Variants in PCDH15 observed in about 807,000 individuals in gnomAD.
PCDH15 encodes protocadherin related 15, also known as protocadherin-15.
In PCDH15, 129 loss-of-function variants were observed where a neutral mutation model predicts 178.5. The observed-to-expected ratio is 0.72, with a 90% CI of 0.63 to 0.84. The LOEUF (loss-of-function observed/expected upper bound fraction) is 0.84. Ranked by LOEUF, PCDH15 falls within the 40% of genes least tolerant of loss-of-function variation. The pLI, the probability that PCDH15 is intolerant of heterozygous loss-of-function variation, is 0.00. For missense variants in PCDH15, 2,230 were observed against 2,099.9 expected (o/e 1.06, Z -1.21); for synonymous variants, 800 against 732.0 (o/e 1.09, Z -1.50).
intron 1 of PCDH15, among the ~76,000 whole-genome samples, chr10:55,265,112 G>T (rs1842249145): frequency 6.6e-6 from 1 of 151,890 alleles, no homozygotes; most frequent in Admixed American, 6.6e-5. Flanking sequence ...CCCCCTCCTA[G>T]AAATCCTCAC....
intron 3 of PCDH15, among the ~76,000 whole-genome samples, chr10:54,837,222 A>G (rs1189492857): frequency 6.6e-6 from 1 of 152,170 alleles, no homozygotes; most frequent in Non-Finnish European, 1.5e-5. Flanking sequence ...ACGAATTTGT[A>G]GAGGAATGAA....
intron 18 of PCDH15, among the ~76,000 whole-genome samples, chr10:54,048,536 T>A (rs2093701144): frequency 6.6e-6 from 1 of 152,190 alleles, no homozygotes; most frequent in Admixed American, 6.5e-5. Context: ...GTTTTGCATC[T>A]TACATAAGTG....
chr10:54,362,834 T>C (rs1230127498), intron 5 of PCDH15, among the ~76,000 whole-genome samples: 1 of 152,128 alleles, frequency 6.6e-6, no homozygotes, highest in Non-Finnish European at 1.5e-5. Context: ...GTTTTATAAA[T>C]AGACCGTAAT....
At chr10:54,821,572 A>T (rs1334321481) in intron 3 of PCDH15, among the ~76,000 whole-genome samples, 1 of 152,134 alleles carries the variant, frequency 6.6e-6, no homozygotes. Context: ...CACACATGAC[A>T]CAGATATATA....
intron 6 of PCDH15, among the ~76,000 whole-genome samples, chr10:54,339,682 C>G (rs768287869): frequency 1.3e-5 from 2 of 152,114 alleles, no homozygotes; most frequent in Non-Finnish European, 2.9e-5. Flanking sequence ...CTGTATACTT[C>G]CTCATAAAAT....
At chr10:55,261,666 G>A (rs996486762) in intron 1 of PCDH15, among the ~76,000 whole-genome samples, 2 of 152,042 alleles carry the variant, frequency 1.3e-5, no homozygotes, top group Non-Finnish European at 2.9e-5. Context: ...ATTCTTGGAA[G>A]GTTCCTTAGA....
At chr10:54,883,461 T>C (rs943423457) in intron 3 of PCDH15, among the ~76,000 whole-genome samples, 1 of 151,982 alleles carries the variant, frequency 6.6e-6, no homozygotes, top group Non-Finnish European at 1.5e-5. Context: ...TTTAGTTCAG[T>C]TTGGAGAATT....
At chr10:54,791,471 T>TATATATATCTTA in intron 1 of PCDH15, among the ~76,000 whole-genome samples, 1 of 151,926 alleles carries the variant, frequency 6.6e-6, no homozygotes, top group East Asian at 1.9e-4. Context: ...TCTTAAAATT[T>TATATATATCTTA]AAGGTCCACA....
In PCDH15 at chr10:54,105,313, TATATAC is replaced by T. The variant is rs1398823794; in HGVS notation, c.1918-15256_1918-15251del. Among the ~76,000 whole-genome samples the T allele has an allele frequency of 9.2e-3, 700 of 75,786 alleles. 4 individuals carry two copies. Among genetic ancestry groups the T allele is most frequent in the Middle Eastern group, 0.015 (2 of 130 alleles). 49.7% of individuals were successfully genotyped at this position (75,786 alleles called of 152,430 possible). Reference sequence around the variant, plus strand: ...ATATATATATATATATATATATATATATATACACACACACATACATATATATACACA... The same window carrying T: ...ATATATATATATATATATATATATATACACACACATACATATATATACACA... On this transcript the variant is annotated intron_variant, in intron 15 of 37. Coordinates refer to ENST00000644397, the MANE Select transcript of PCDH15 (RefSeq NM_001384140.1).
chr10:54,020,125 T>C (rs979096824), intron 20 of PCDH15, 67 bp downstream of exon 20: 6 of 1,347,076 alleles, frequency 4.5e-6, no homozygotes, highest in African/African-American at 1.4e-5. Context: ...ATAGGTATAA[T>C]AGAAGGAACA....
rs139139371 is a variant in PCDH15, at chr10:54,594,493, C to T, written c.92-66616G>A. Among the ~76,000 whole-genome samples the T allele has an allele frequency of 4.3e-4, 65 of 152,228 alleles. 1 individual carries two copies. Among genetic ancestry groups the T allele is most frequent in the Non-Finnish European group, 8.1e-4 (55 of 68,020 alleles). On this transcript the variant is annotated intron_variant, in intron 2 of 37. Transcript: ENST00000644397. ...TACCCCCCCAGGCACCTCAAGGGGG[C>T]CTGCCTCATTGCTCCTGCACTGGTG...
chr10:54,869,717 C>G (rs59541263), intron 3 of PCDH15, among the ~76,000 whole-genome samples: 7,166 of 152,138 alleles, frequency 0.047, 561 homozygotes, highest in African/African-American at 0.16. Context: ...ATTATAAGAG[C>G]TCTATATATG....
At chr10:54,207,435 T>C (rs2050931512) in intron 10 of PCDH15, among the ~76,000 whole-genome samples, 1 of 151,598 alleles carries the variant, frequency 6.6e-6, no homozygotes, top group African/African-American at 2.4e-5. Context: ...TATTTCCTAG[T>C]AATGGTAGTG....
intron 21 of PCDH15, among the ~76,000 whole-genome samples, chr10:53,964,485 AT>A (rs1453341738): frequency 1.2e-4 from 7 of 59,832 alleles, no homozygotes; most frequent in African/African-American, 4.2e-4. Context: ...TTATTTAAAA[AT>A]TATTTATAAA....
At chr10:53,995,531 G>T in intron 21 of PCDH15, 118 bp downstream of exon 21, 2 of 1,574,136 alleles carry the variant, frequency 1.3e-6, no homozygotes, top group South Asian at 2.3e-5. Context: ...TAAAATGTAT[G>T]AATAAATAGG....
At chr10:54,556,215 G>T (rs1357831566) in intron 2 of PCDH15, among the ~76,000 whole-genome samples, 3 of 152,086 alleles carry the variant, frequency 2.0e-5, no homozygotes, top group East Asian at 1.9e-4. Flanking sequence ...TCCATGTTCT[G>T]CTGTTTGTAT....
At chr10:55,361,423 T>TCTGTAGTCAG (rs1845227624) in intron 2 of PCDH15, among the ~76,000 whole-genome samples, 2 of 152,060 alleles carry the variant, frequency 1.3e-5, no homozygotes, top group Admixed American at 1.3e-4. Flanking sequence ...TCTAACGAAC[T>TCTGTAGTCAG]TGTAATCTAT....
chr10:55,258,431 T>A (rs1352811342), intron 1 of PCDH15, among the ~76,000 whole-genome samples: 2 of 152,168 alleles, frequency 1.3e-5, no homozygotes, highest in African/African-American at 4.8e-5. Context: ...TCCACATTTG[T>A]CCTTCAAGTT....
rs559092992 is a variant in PCDH15, at chr10:54,991,277, T to C, written c.-79-93777A>G. On this transcript the variant is annotated intron_variant, in intron 2 of 5. Transcript: ENST00000458638. ...TAATTTGTCTTCAACAACATTAATG[T>C]AATGTAACAATGATAACTGAATTCA... Among the ~76,000 whole-genome samples the C allele has an allele frequency of 1.6e-4, 24 of 152,290 alleles. No individual in the cohort carries two copies. In the South Asian group the frequency reaches 4.8e-3, roughly 30 times the overall value.
Sources: allele counts gnomAD v4.1 joint callset (sites outside exome capture counted in the v4.1 genomes callset), GRCh38; gene constraint gnomAD v4.1.1; transcripts MANE v1.5; gene names NCBI Gene and HGNC (gene_info 2026-07-23, HGNC 2026-07-21).